SH3D21: variants seen among roughly 807,000 people sequenced by gnomAD.
The protein encoded by SH3D21 is SH3 domain-containing protein 21.
Under a neutral mutation model 82.1 loss-of-function variants are expected in SH3D21, and 83 were observed. That is an observed-to-expected ratio of 1.01 (90% confidence interval 0.85 to 1.21). SH3D21 has a LOEUF of 1.21. Among genes scored for constraint, SH3D21 ranks in the 50% most tolerant of loss-of-function variants. The pLI is 0.00. For missense variants in SH3D21, 980 were observed against 962.1 expected (o/e 1.02, Z -0.25); for synonymous variants, 383 against 387.8 (o/e 0.99, Z 0.15).
In SH3D21 at chr1:36,320,587, C is replaced by T; in HGVS notation, c.1924C>T (p.Pro642Ser). 6.2e-7 allele frequency: 1 copy of T among 1,614,218 alleles called. No homozygotes were observed. The highest frequency in any genetic ancestry group is 1.1e-5 in the South Asian group (1 of 91,086). ...EELPPKEEVAPKEEVPPIERA... is the reference protein window; with the variant it reads ...EELPPKEEVASKEEVPPIERA... ...ATTGCCCCCTAAAGAGGAAGTGGCTCCAAAAGAGGAGGTGCCCCCCATAGA... is the reference window on the plus strand; with the variant it reads ...ATTGCCCCCTAAAGAGGAAGTGGCTTCAAAAGAGGAGGTGCCCCCCATAGA... The change falls in exon 14 of 16, where the codon CCA becomes TCA. Residue 642 changes from proline (P) to serine (S), a missense_variant. Pro to Ser is a moderately conservative substitution (Grantham distance 74, BLOSUM62 -1). Coordinates refer to ENST00000453908, the MANE Select transcript of SH3D21 (RefSeq NM_001162530.2).
At chr1:36,316,619 GCTGT>G (rs984909354) in intron 10 of SH3D21, among the ~76,000 whole-genome samples, 4 of 152,194 alleles carry the variant, frequency 2.6e-5, no homozygotes, top group Non-Finnish European at 5.9e-5. Flanking sequence ...AGGTAGCACT[GCTGT>G]GTGGTACTGA....
intron 10 of SH3D21, among the ~76,000 whole-genome samples, chr1:36,312,742 A>G (rs1646264723): frequency 1.3e-5 from 2 of 151,992 alleles, no homozygotes; most frequent in South Asian, 2.1e-4. Flanking sequence ...ACAGAGTCGC[A>G]TTCTGTCACC....
At chr1:36,309,521 C>A in intron 9 of SH3D21, 27 bp from the exon 10 acceptor site, 1 of 1,551,174 alleles carries the variant, frequency 6.4e-7, no homozygotes, top group Non-Finnish European at 8.7e-7. Flanking sequence ...ATTAAGGATG[C>A]TCAACCTTTA....
chr1:36,319,556 G>C lies in SH3D21; in HGVS notation c.1011+20G>C, dbSNP rs1646407192. The stretch of plus-strand genomic sequence containing the variant: ...AGTCAGGTGAGGGGCGGGAGACATG[G>C]GAGAGTGGGGATGCTGGGCAGAGGC... On this transcript the variant is annotated intron_variant, in intron 13 of 15. Transcript: ENST00000453908. 6.4e-7 allele frequency: 1 copy of C among 1,551,644 alleles called. No homozygotes were observed. Among genetic ancestry groups the C allele is most frequent in the South Asian group, 1.2e-5 (1 of 84,054 alleles).
At position 36,312,073 on chromosome 1, in the gene SH3D21, G is replaced by A. The variant is rs1275614386; in HGVS notation, c.769+2483G>A. Among the ~76,000 whole-genome samples the A allele has an allele frequency of 3.3e-5, 5 of 151,868 alleles. No individual in the cohort carries two copies. The East Asian group carries it at 5.8e-4, about 18-fold the overall frequency. ...AGAGTCTTGCTTTGTCACTCAGGCT[G>A]GAGTGCAGTGGTGAGATCTCGGCTC... On this transcript the variant is annotated intron_variant, in intron 10 of 15. Coordinates refer to ENST00000453908, the MANE Select transcript of SH3D21 (RefSeq NM_001162530.2).
At position 36,306,922 on chromosome 1, in the gene SH3D21, G is replaced by A. The variant is rs1646135536; in HGVS notation, c.226+17G>A. ...GCCGCCGAGGTGAGCGCAAGGGCGGGGACGGGCGCCGGTGGGCGGGTGCAC... is the reference window on the plus strand; with the variant it reads ...GCCGCCGAGGTGAGCGCAAGGGCGGAGACGGGCGCCGGTGGGCGGGTGCAC... On this transcript the variant is annotated intron_variant, in intron 3 of 15. Coordinates refer to ENST00000453908, the MANE Select transcript of SH3D21 (RefSeq NM_001162530.2). This position sits in a 1 kb window ranked among gnomAD's most constrained non-coding sequence, Gnocchi z 4.5. 1.5e-6 allele frequency: 2 copies of A among 1,323,838 alleles called. No individual in the cohort carries two copies. The highest frequency in any genetic ancestry group is 1.3e-5 in the South Asian group (1 of 77,198). 82.0% of individuals were successfully genotyped at this position (1,323,838 alleles called of 1,614,324 possible).
intron 10 of SH3D21, among the ~76,000 whole-genome samples, chr1:36,315,190 C>A (rs968330561): frequency 6.6e-6 from 1 of 151,792 alleles, no homozygotes; most frequent in African/African-American, 2.4e-5. Flanking sequence ...GCACAAGAAT[C>A]GCTTGAACCT....
downstream of SH3D21, chr1:36,327,971 C>CAGAGA: frequency 1.2e-6 from 1 of 854,122 alleles, no homozygotes; most frequent in Non-Finnish European, 1.7e-6. Flanking sequence ...GTGTCACCTG[C>CAGAGA]TGTTCTGGCC....
In SH3D21 at chr1:36,320,609, T is replaced by C. The variant is rs1015166019; in HGVS notation, c.1946T>C (p.Ile649Thr). 3 of 1,614,048 alleles carry C rather than the reference T, an allele frequency of 1.9e-6. No individual in the cohort carries two copies. Among genetic ancestry groups the C allele is most frequent in the African/African-American group, 1.3e-5 (1 of 74,892 alleles). ...EVAPKEEVPP[I>T]ERAFAQKTRP... ...GCTCCAAAAGAGGAGGTGCCCCCCA[T>C]AGAAAGAGCCTTTGCCCAAAAAACA... The change falls in exon 14 of 16, where the codon ATA (isoleucine) becomes ACA (threonine). Residue 649 changes from isoleucine (I) to threonine (T), a missense_variant. Ile to Thr is a moderately conservative substitution (Grantham distance 89, BLOSUM62 -1). Transcript: ENST00000453908.
At chr1:36,323,318 C>A, downstream of SH3D21, 1 of 406,698 alleles carries the variant, frequency 2.5e-6, no homozygotes, top group East Asian at 4.7e-5. Flanking sequence ...AGCTGAGGCC[C>A]GGTTCCGCCG....
chr1:36,316,591 T>C (rs966251079), intron 10 of SH3D21, among the ~76,000 whole-genome samples: 2 of 152,040 alleles, frequency 1.3e-5, no homozygotes, highest in Non-Finnish European at 1.5e-5. Context: ...CAGAAGCTGC[T>C]TCGGTCCTCC....
rs1298086909 is a variant in SH3D21 at position 36,320,771 on chromosome 1, C to T, written c.2108C>T (p.Ala703Val). 6.3e-7 allele frequency: 1 copy of T among 1,582,164 alleles called. No homozygotes were observed. Among genetic ancestry groups the T allele is most frequent in the South Asian group, 1.1e-5 (1 of 87,890 alleles). Residue 703 changes from alanine to valine, a missense_variant, in exon 14 of 16, where the codon GCG becomes GTG. Coordinates refer to ENST00000453908, the MANE Select transcript of SH3D21 (RefSeq NM_001162530.2). ...GGCGAGGTGGAGTCTCTAAGGAGGGCGCTGGAGCTGATGGAGGTGCAGCTG... is the reference window on the plus strand; with the variant it reads ...GGCGAGGTGGAGTCTCTAAGGAGGGTGCTGGAGCTGATGGAGGTGCAGCTG... ...LRGEVESLRR[A>V]LELMEVQLER...
downstream of SH3D21, chr1:36,323,027 G>A (rs767137555): frequency 1.9e-6 from 3 of 1,599,908 alleles, no homozygotes; most frequent in East Asian, 2.2e-5. Context: ...GTCCCTTCGC[G>A]GGGCATCCAT....
At chr1:36,321,986 CCTGGGGGTCGCTGGGGGCAGGAGT>C, downstream of SH3D21, 1 of 1,192,348 alleles carries the variant, frequency 8.4e-7, no homozygotes, top group East Asian at 4.0e-5. This position sits in a 1 kb window ranked among gnomAD's most constrained non-coding sequence, Gnocchi z 6.1. Context: ...GTGGCAGGAG[CCTGGGGGTCGCTGGGGGCAGGAGT>C]AACAGAGGGA....
Position 36,306,885 on chromosome 1 carries a change from C to G in SH3D21, c.206C>G (p.Pro69Arg), listed in dbSNP as rs1445377373. ...TLRGSGEARR[P>R]RCARRRGHPA... ...CGGGGCTCCGGAGAGGCGCGGAGGC[C>G]GCGCTGTGCGCGCCGCCGAGGTGAG... The change falls in exon 3 of 16, where the codon CCG (proline) becomes CGG (arginine). Residue 69 changes from proline (P) to arginine (R), a missense_variant. Physicochemically the swap from Pro to Arg is moderately radical, Grantham distance 103. Transcript: ENST00000453908. This position sits in a 1 kb window ranked among gnomAD's most constrained non-coding sequence, Gnocchi z 4.5. 1 of 1,306,410 alleles carries G rather than the reference C, an allele frequency of 7.7e-7. No individual in the cohort carries two copies. Among genetic ancestry groups the G allele is most frequent in the Non-Finnish European group, 1.0e-6 (1 of 1,000,488 alleles). 80.9% of individuals were successfully genotyped at this position (1,306,410 alleles called of 1,614,324 possible).
rs780356681 is a variant in SH3D21 at position 36,307,638 on chromosome 1, C to T, written c.436+31C>T. ...ACCTCGACTCTGTGACCCTGTGACT[C>T]GCAATCTCCAATGACCCTCCCAGTG... On this transcript the variant is annotated intron_variant, in intron 5 of 15. Transcript: ENST00000453908. The surrounding 1 kb of genome is among the most constrained non-coding windows in gnomAD (Gnocchi z 5.4). 7.7e-6 allele frequency: 12 copies of T among 1,549,338 alleles called. No homozygotes were observed. The highest frequency in any genetic ancestry group is 2.7e-5 in the African/African-American group (2 of 72,960).
chr1:36,316,826 G>A (rs1358119096), intron 10 of SH3D21, among the ~76,000 whole-genome samples: 5 of 150,146 alleles, frequency 3.3e-5, no homozygotes, highest in African/African-American at 4.9e-5. Context: ...GTGCAATGGC[G>A]TGATTTGGCT....
chr1:36,309,361 T>G (rs1489377617), intron 9 of SH3D21, 187 bp from the exon 10 acceptor site: 7 of 589,872 alleles, frequency 1.2e-5, no homozygotes, highest in Non-Finnish European at 2.1e-5. Context: ...CACATCCAGC[T>G]AATTTTTGTA....
rs745997397 is a variant in SH3D21, at chr1:36,321,214, ACT to A, written c.*90_*91del. On this transcript the variant is annotated 3_prime_UTR_variant, in exon 16 of 16. Coordinates refer to ENST00000453908, the MANE Select transcript of SH3D21 (RefSeq NM_001162530.2). This position sits in a 1 kb window ranked among gnomAD's most constrained non-coding sequence, Gnocchi z 6.1. ...GACTTTGGGAAACGCGAGAAAGTAA[ACT>A]CTGCCTAGCACGGCGCCACGCCGGT... The A allele has an allele frequency of 2.6e-6, 4 of 1,532,372 alleles. No individual in the cohort carries two copies. The highest frequency in any genetic ancestry group is 1.8e-6 in the Non-Finnish European group (2 of 1,139,694). The allele number at this position is 1,532,372 out of a possible 1,614,324, so 94.9% of individuals were successfully genotyped here.
Sources: allele counts gnomAD v4.1 joint callset (sites outside exome capture counted in the v4.1 genomes callset), GRCh38; gene constraint gnomAD v4.1.1; non-coding constraint Gnocchi (gnomAD v3.1); transcripts MANE v1.5; gene names NCBI Gene and HGNC (gene_info 2026-07-23, HGNC 2026-07-21).